PLCXD3: variants seen among roughly 807,000 people sequenced by gnomAD.
PLCXD3 encodes PI-PLC X domain-containing protein 3.
In PLCXD3, 19 loss-of-function variants were observed where a neutral mutation model predicts 25.5. The observed-to-expected ratio is 0.75, with a 90% CI of 0.52 to 1.09. The LOEUF (loss-of-function observed/expected upper bound fraction) is 1.09. Among genes scored for constraint, PLCXD3 ranks in the 50% least tolerant of loss-of-function variants. The probability of loss-of-function intolerance (pLI) is 0.00; values close to 1 mark genes in which losing one functional copy is unlikely to be tolerated. For synonymous variants in PLCXD3, 174 were observed against 137.6 expected (o/e 1.26, Z -1.85); for missense variants, 411 against 388.1 (o/e 1.06, Z -0.50).
intron 1 of PLCXD3, among the ~76,000 whole-genome samples, chr5:41,399,002 G>A (rs930301208): frequency 9.2e-5 from 14 of 152,034 alleles, no homozygotes; most frequent in Non-Finnish European, 2.1e-4. Flanking sequence ...ATTTAGTAAA[G>A]TTGCAGGATA....
At chr5:41,493,448 A>G (rs1748754242) in intron 1 of PLCXD3, among the ~76,000 whole-genome samples, 1 of 152,238 alleles carries the variant, frequency 6.6e-6, no homozygotes, top group Non-Finnish European at 1.5e-5. Context: ...TGGGAGAACC[A>G]CTGCTCTCTT....
chr5:41,459,267 T>C (rs971344799), intron 1 of PLCXD3, among the ~76,000 whole-genome samples: 1 of 151,880 alleles, frequency 6.6e-6, no homozygotes, highest in Non-Finnish European at 1.5e-5. Context: ...AATATAAATG[T>C]CATTCAGGCT....
chr5:41,395,382 T>C (rs985813395), intron 1 of PLCXD3, among the ~76,000 whole-genome samples: 1 of 151,400 alleles, frequency 6.6e-6, no homozygotes, highest in Non-Finnish European at 1.5e-5. Context: ...AGGAAAAACT[T>C]CAAATGAATA....
At position 41,456,059 on chromosome 5, in the gene PLCXD3, T is replaced by A. The variant is rs144939440; in HGVS notation, c.103+54365A>T. Reference sequence around the variant, plus strand: ...AAAAAAATAGGGGTCAAAATTCTACTATGCACTCACTAAGCTATGTAGGGT... The same window carrying A: ...AAAAAAATAGGGGTCAAAATTCTACAATGCACTCACTAAGCTATGTAGGGT... On this transcript the variant is annotated intron_variant, in intron 1 of 2. Transcript: ENST00000377801. Among the ~76,000 whole-genome samples the A allele has an allele frequency of 5.9e-3, 893 of 152,052 alleles. 12 individuals carry two copies. Among genetic ancestry groups the A allele is most frequent in the African/African-American group, 0.021 (860 of 41,514 alleles).
At chr5:41,392,493 G>T (rs938379781) in intron 1 of PLCXD3, among the ~76,000 whole-genome samples, 3 of 152,180 alleles carry the variant, frequency 2.0e-5, no homozygotes, top group Non-Finnish European at 4.4e-5. Flanking sequence ...AGGAATCACA[G>T]TGTTACTAGG....
chr5:41,313,916 T>G, intron 2 of PLCXD3, 146 bp from the exon 3 acceptor site: 1 of 912,698 alleles, frequency 1.1e-6, no homozygotes, highest in Non-Finnish European at 1.6e-6. Flanking sequence ...CCAAATGGAC[T>G]CTGGGGATTT....
At chr5:41,353,332 A>C (rs192704950) in intron 2 of PLCXD3, among the ~76,000 whole-genome samples, 18 of 151,084 alleles carry the variant, frequency 1.2e-4, no homozygotes, top group African/African-American at 3.6e-4. Context: ...CAATCTCCTG[A>C]CCTCATGATC....
chr5:41,436,881 T>G (rs559577258), intron 1 of PLCXD3, among the ~76,000 whole-genome samples: 82 of 152,332 alleles, frequency 5.4e-4, no homozygotes, highest in Admixed American at 1.8e-3. Flanking sequence ...TTTCATGTAT[T>G]CTATACTTTT....
At chr5:41,506,120 C>T (rs902610292) in intron 1 of PLCXD3, among the ~76,000 whole-genome samples, 3 of 152,124 alleles carry the variant, frequency 2.0e-5, no homozygotes, top group Non-Finnish European at 4.4e-5. Flanking sequence ...AGCATTTCTA[C>T]CAAGCCCACA....
intron 2 of PLCXD3, among the ~76,000 whole-genome samples, chr5:41,367,346 A>G (rs1386220961): frequency 6.6e-6 from 1 of 152,046 alleles, no homozygotes; most frequent in Non-Finnish European, 1.5e-5. Context: ...CTGGCATGAG[A>G]TGGTATCTCA....
intron 2 of PLCXD3, among the ~76,000 whole-genome samples, chr5:41,339,503 T>C (rs1457564549): frequency 6.6e-6 from 1 of 152,086 alleles, no homozygotes; most frequent in Non-Finnish European, 1.5e-5. Flanking sequence ...GTTGGTCATG[T>C]AAATTATCTG....
At chr5:41,351,545 A>C (rs935997873) in intron 2 of PLCXD3, among the ~76,000 whole-genome samples, 3 of 152,168 alleles carry the variant, frequency 2.0e-5, no homozygotes, top group African/African-American at 7.2e-5. Flanking sequence ...AGTAGAAAAA[A>C]ACCGCTGAAC....
intron 1 of PLCXD3, among the ~76,000 whole-genome samples, chr5:41,487,725 C>G (rs1470277569): frequency 2.0e-5 from 3 of 151,916 alleles, no homozygotes; most frequent in Non-Finnish European, 2.9e-5. Flanking sequence ...AGAAGGAAGC[C>G]TAGTGATGAT....
chr5:41,489,911 T>C lies in PLCXD3; in HGVS notation c.103+20513A>G, dbSNP rs941607932. Among the ~76,000 whole-genome samples the C allele has an allele frequency of 6.6e-5, 10 of 151,898 alleles. No homozygotes were observed. The South Asian group carries it at 1.9e-3, about 28-fold the overall frequency. On this transcript the variant is annotated intron_variant, in intron 1 of 2. Coordinates refer to ENST00000377801, the MANE Select transcript of PLCXD3 (RefSeq NM_001005473.3). ...ACAATTTGACTTCCTCTTTTCCTAATTGAATACCCTTGATTTCCTTCTCCT... is the reference window on the plus strand; with the variant it reads ...ACAATTTGACTTCCTCTTTTCCTAACTGAATACCCTTGATTTCCTTCTCCT...
Position 41,309,480 on chromosome 5 carries a change from A to G in PLCXD3, c.*4137T>C, listed in dbSNP as rs1743073709. The G allele has an allele frequency of 6.6e-6, 1 of 152,476 alleles. No individual in the cohort carries two copies. The highest frequency in any genetic ancestry group is 2.4e-5 in the African/African-American group (1 of 41,450). 9.4% of individuals were successfully genotyped at this position (152,476 alleles called of 1,614,324 possible). On this transcript the variant is annotated 3_prime_UTR_variant, in exon 3 of 3. Transcript: ENST00000377801. ...CACTGTGCATTATTTTCTATTAGCA[A>G]TTCAAAGTGAGCACTCTGCCTACGG... is the stretch of plus-strand genomic sequence containing the variant.
At chr5:41,394,757 A>G (rs75898736) in intron 1 of PLCXD3, among the ~76,000 whole-genome samples, 2,375 of 152,332 alleles carry the variant, frequency 0.016, 60 homozygotes, top group African/African-American at 0.055. Context: ...TAATTTCACA[A>G]GAGTATATAA....
chr5:41,489,323 G>T (rs566513559), intron 1 of PLCXD3, among the ~76,000 whole-genome samples: 77 of 152,166 alleles, frequency 5.1e-4, no homozygotes, highest in African/African-American at 1.8e-3. Flanking sequence ...TGCTGTTTTG[G>T]TTACTGTAGC....
rs184243199 is a variant in PLCXD3 at position 41,490,325 on chromosome 5, G to A, written c.103+20099C>T. Among the ~76,000 whole-genome samples, 580 of 152,322 alleles carry A rather than the reference G, an allele frequency of 3.8e-3. 1 individual carries two copies. The highest frequency in any genetic ancestry group is 6.8e-3 in the Middle Eastern group (2 of 294). On this transcript the variant is annotated intron_variant, in intron 1 of 2. Coordinates refer to ENST00000377801, the MANE Select transcript of PLCXD3 (RefSeq NM_001005473.3). ...GGATAAGCTTTTTGACATGCTGCTG[G>A]ATTCAGTTTGCCAGTATTTTATTGA...
intron 2 of PLCXD3, among the ~76,000 whole-genome samples, chr5:41,373,571 C>G (rs1007868161): frequency 1.3e-5 from 2 of 152,088 alleles, no homozygotes; most frequent in African/African-American, 2.4e-5. Flanking sequence ...ATTTCCCAGC[C>G]CATGGAACGG....
Sources: allele counts gnomAD v4.1 joint callset (sites outside exome capture counted in the v4.1 genomes callset), GRCh38; gene constraint gnomAD v4.1.1; transcripts MANE v1.5; gene names NCBI Gene and HGNC (gene_info 2026-07-23, HGNC 2026-07-21).